Variants in NAALADL2 observed in about 807,000 individuals in gnomAD.
NAALADL2 encodes N-acetylated alpha-linked acidic dipeptidase like 2.
Under a neutral mutation model 87.2 loss-of-function variants are expected in NAALADL2, and 76 were observed. That is an observed-to-expected ratio of 0.87 (90% CI 0.72 to 1.05). The LOEUF (loss-of-function observed/expected upper bound fraction) is 1.05. Ranked by LOEUF, NAALADL2 falls within the 50% of genes least tolerant of loss-of-function variation. The pLI is 0.00. For synonymous variants in NAALADL2, 354 were observed against 331.0 expected, an observed-to-expected ratio of 1.07 and a Z score of -0.75; for missense variants, 1,089 against 945.8, an observed-to-expected ratio of 1.15 and a Z score of -1.99.
chr3:175,193,910 T>TA (rs146821494), intron 2 of NAALADL2, among the ~76,000 whole-genome samples: 16,618 of 151,840 alleles, frequency 0.11, 1,016 homozygotes, highest in African/African-American at 0.14. Flanking sequence ...TTAATGTGAC[T>TA]AAACATAATA....
At chr3:175,058,631 A>AG (rs1460016168) in intron 1 of NAALADL2, among the ~76,000 whole-genome samples, 1 of 152,194 alleles carries the variant, frequency 6.6e-6, no homozygotes, top group Non-Finnish European at 1.5e-5. Flanking sequence ...TTCTGAAAAG[A>AG]GAAAAAGCAC....
intron 1 of NAALADL2, among the ~76,000 whole-genome samples, chr3:175,034,928 A>C (rs77967215): frequency 0.015 from 2,269 of 152,288 alleles, 63 homozygotes; most frequent in African/African-American, 0.052. Flanking sequence ...GTCTTCTCTC[A>C]TTAAAATATA....
chr3:175,710,704 A>G (rs1321492078), intron 11 of NAALADL2, among the ~76,000 whole-genome samples: 1 of 150,858 alleles, frequency 6.6e-6, no homozygotes, highest in African/African-American at 2.4e-5. Context: ...ATGTATATAT[A>G]TCTACATAGA....
At chr3:174,779,754 G>A (rs1358935207) in intron 3 of NAALADL2, among the ~76,000 whole-genome samples, 1 of 151,916 alleles carries the variant, frequency 6.6e-6, no homozygotes, top group Non-Finnish European at 1.5e-5. Flanking sequence ...GCTTGTTTTT[G>A]TCAGGTGTGT....
At chr3:175,788,460 A>G (rs1176904992) in intron 13 of NAALADL2, among the ~76,000 whole-genome samples, 1 of 152,038 alleles carries the variant, frequency 6.6e-6, no homozygotes, top group Non-Finnish European at 1.5e-5. Flanking sequence ...ATATACAAAT[A>G]TTTACCATTG....
intron 11 of NAALADL2, among the ~76,000 whole-genome samples, chr3:175,631,176 T>A (rs1727710220): frequency 6.6e-6 from 1 of 151,798 alleles, no homozygotes; most frequent in African/African-American, 2.4e-5. Flanking sequence ...CCAAATTAAA[T>A]TTTAATTTCT....
intron 2 of NAALADL2, among the ~76,000 whole-genome samples, chr3:174,583,287 T>G (rs549266280): frequency 3.2e-4 from 48 of 152,340 alleles, no homozygotes; most frequent in African/African-American, 1.1e-3. Context: ...TTTTTTCCAT[T>G]AAGTTCTTTA....
chr3:174,570,379 C>G (rs1321218676), intron 2 of NAALADL2, among the ~76,000 whole-genome samples: 1 of 151,810 alleles, frequency 6.6e-6, no homozygotes. Flanking sequence ...TTAAATTGAG[C>G]TCATAATTAA....
chr3:175,766,434 TTAAG>T (rs1748687714), intron 13 of NAALADL2, among the ~76,000 whole-genome samples: 1 of 152,092 alleles, frequency 6.6e-6, no homozygotes, highest in Non-Finnish European at 1.5e-5. Flanking sequence ...CTCTAATCAA[TTAAG>T]TAAGAAAAGA....
chr3:174,855,225 G>T (rs865858863), upstream of NAALADL2, among the ~76,000 whole-genome samples: 59 of 152,210 alleles, frequency 3.9e-4, no homozygotes, highest in Admixed American at 1.7e-3. Context: ...TCTTATGCAA[G>T]ACATTTTGAC....
chr3:175,285,504 T>G (rs1486971698), intron 4 of NAALADL2, among the ~76,000 whole-genome samples: 8 of 152,174 alleles, frequency 5.3e-5, no homozygotes, highest in Non-Finnish European at 1.0e-4. Context: ...GAAGAAGTAG[T>G]ATACATTCAT....
chr3:174,647,162 C>A (rs1378864552), intron 2 of NAALADL2, among the ~76,000 whole-genome samples: 1 of 152,140 alleles, frequency 6.6e-6, no homozygotes, highest in Non-Finnish European at 1.5e-5. Context: ...ATTGACTTCT[C>A]ACAGCAACAC....
At chr3:175,796,256 C>A (rs771897501) in intron 13 of NAALADL2, among the ~76,000 whole-genome samples, 8 of 151,982 alleles carry the variant, frequency 5.3e-5, no homozygotes, top group Non-Finnish European at 8.8e-5. Flanking sequence ...TTGGTCAAGG[C>A]CCAAACCAAA....
chr3:174,860,599 T>C (rs1006911142), intron 1 of NAALADL2, among the ~76,000 whole-genome samples: 1 of 152,112 alleles, frequency 6.6e-6, no homozygotes, highest in Admixed American at 6.6e-5. Flanking sequence ...CAATTGTGCA[T>C]ATGATAATGA....
chr3:174,837,046 A>T (rs1290846565), intron 3 of NAALADL2, among the ~76,000 whole-genome samples: 1 of 152,170 alleles, frequency 6.6e-6, no homozygotes, highest in Non-Finnish European at 1.5e-5. Context: ...ACATTAAAAA[A>T]TCTGAAAGAA....
At chr3:174,960,237 T>A (rs1741778776) in intron 1 of NAALADL2, among the ~76,000 whole-genome samples, 1 of 152,116 alleles carries the variant, frequency 6.6e-6, no homozygotes, top group Non-Finnish European at 1.5e-5. Flanking sequence ...TCTATAAAAT[T>A]AGGTGCTTAG....
At chr3:174,813,275 TA>T (rs745439460) in intron 3 of NAALADL2, among the ~76,000 whole-genome samples, 32 of 151,796 alleles carry the variant, frequency 2.1e-4, no homozygotes, top group African/African-American at 6.8e-4. Context: ...GCTGATAAGC[TA>T]AAAAAAACAC....
At chr3:175,534,524 C>T (rs781204629) in intron 9 of NAALADL2, among the ~76,000 whole-genome samples, 4 of 152,052 alleles carry the variant, frequency 2.6e-5, no homozygotes, top group African/African-American at 9.7e-5. Context: ...ATGCTGGTGA[C>T]GTAAAATAAA....
At chr3:175,002,519 T>G (rs2108767396) in intron 1 of NAALADL2, among the ~76,000 whole-genome samples, 1 of 152,274 alleles carries the variant, frequency 6.6e-6, no homozygotes, top group Middle Eastern at 3.4e-3. Flanking sequence ...CCCATGCCAC[T>G]TAATGATATG....
Sources: allele counts gnomAD v4.1 joint callset (sites outside exome capture counted in the v4.1 genomes callset), GRCh38; gene constraint gnomAD v4.1.1; transcripts MANE v1.5; gene names NCBI Gene and HGNC (gene_info 2026-07-23, HGNC 2026-07-21).